TMEM161B: variants seen among roughly 807,000 people sequenced by gnomAD.
TMEM161B encodes the protein transmembrane protein 161B.
A neutral mutation model predicts 61.8 loss-of-function variants in TMEM161B; 34 were observed. The ratio of observed to expected loss-of-function variants is 0.55; its 90% CI spans 0.42 to 0.73. TMEM161B has a LOEUF of 0.73. Among genes scored for constraint, TMEM161B ranks in the 30% least tolerant of loss-of-function variants. TMEM161B has a pLI of 0.00. For missense variants in TMEM161B, 456 were observed against 558.5 expected (o/e 0.82, Z 1.85); for synonymous variants, 167 against 192.8 (o/e 0.87, Z 1.11).
intron 2 of TMEM161B, 90 bp downstream of exon 2, chr5:88,240,723 A>G: frequency 9.6e-7 from 1 of 1,039,314 alleles, no homozygotes; most frequent in Non-Finnish European, 1.5e-6. Flanking sequence ...TCCTTTTGTT[A>G]AAGTTTTAGA....
chr5:88,206,483 T>A lies in TMEM161B; in HGVS notation c.615A>T (p.Ser205=). Residue 205 remains serine (S), a synonymous_variant, in exon 7 of 12, where the codon TCA becomes TCT. Coordinates refer to ENST00000296595, the MANE Select transcript of TMEM161B (RefSeq NM_153354.5). ...FGLETGFTNF[S]DSAMQFLEKQ... ...TTTCAAGAAACTGCATCGCACTGTCTGAAAAATTTGTAAACCCTGTGGGGG... is the reference window on the plus strand; with the variant it reads ...TTTCAAGAAACTGCATCGCACTGTCAGAAAAATTTGTAAACCCTGTGGGGG... The A allele has an allele frequency of 6.3e-7, 1 of 1,592,002 alleles. No individual in the cohort carries two copies.
intron 1 of TMEM161B, among the ~76,000 whole-genome samples, chr5:88,258,894 A>G (rs1755331866): frequency 6.6e-6 from 1 of 152,192 alleles, no homozygotes; most frequent in Non-Finnish European, 1.5e-5. Flanking sequence ...TAGTATTTCA[A>G]AGGGCTTCTA....
chr5:88,244,230 T>C (rs1486892126), intron 1 of TMEM161B, among the ~76,000 whole-genome samples: 1 of 151,970 alleles, frequency 6.6e-6, no homozygotes, highest in Non-Finnish European at 1.5e-5. Flanking sequence ...CAGGATAGTA[T>C]TTCCCAGGTT....
At chr5:88,266,562 C>G (rs1294644282) in intron 1 of TMEM161B, among the ~76,000 whole-genome samples, 1 of 152,164 alleles carries the variant, frequency 6.6e-6, no homozygotes, top group Admixed American at 6.5e-5. Context: ...GAATTTGGAA[C>G]TCTTATCAAA....
chr5:88,264,210 G>C (rs958825291), intron 1 of TMEM161B, among the ~76,000 whole-genome samples: 16 of 150,560 alleles, frequency 1.1e-4, no homozygotes, highest in Non-Finnish European at 1.9e-4. Flanking sequence ...CTAATATCCA[G>C]AATCTACAAG....
intron 1 of TMEM161B, among the ~76,000 whole-genome samples, chr5:88,246,096 C>T (rs1293318633): frequency 6.6e-6 from 1 of 151,764 alleles, no homozygotes; most frequent in East Asian, 1.9e-4. Context: ...ATGTTCAATA[C>T]AAAAATGTAA....
At chr5:88,257,547 C>T (rs1186976259) in intron 1 of TMEM161B, among the ~76,000 whole-genome samples, 3 of 152,156 alleles carry the variant, frequency 2.0e-5, no homozygotes, top group African/African-American at 4.8e-5. Context: ...TAGAAAAGCT[C>T]TCCCTGGGAT....
chr5:88,219,436 A>G (rs750741744), intron 5 of TMEM161B, among the ~76,000 whole-genome samples: 5 of 152,196 alleles, frequency 3.3e-5, no homozygotes, highest in Non-Finnish European at 5.9e-5. Flanking sequence ...GGAGAGATGG[A>G]AATAGAGAAA....
chr5:88,238,212 T>C (rs1283845041), intron 2 of TMEM161B, among the ~76,000 whole-genome samples: 1 of 152,070 alleles, frequency 6.6e-6, no homozygotes, highest in African/African-American at 2.4e-5. Context: ...TGATCCATGA[T>C]TGGCTGAATC....
At chr5:88,186,148 G>C (rs1156598540), downstream of TMEM161B, among the ~76,000 whole-genome samples, 2 of 152,194 alleles carry the variant, frequency 1.3e-5, no homozygotes. Context: ...TATACAGGCA[G>C]TGCTTTTACT....
chr5:88,188,684 A>G (rs7712773), downstream of TMEM161B, among the ~76,000 whole-genome samples: 2,889 of 152,264 alleles, frequency 0.019, 75 homozygotes, highest in African/African-American at 0.065. Context: ...GAGGTTTTTT[A>G]TCCAGCTGGG....
chr5:88,251,712 A>T (rs1435723971), intron 1 of TMEM161B, among the ~76,000 whole-genome samples: 1 of 152,198 alleles, frequency 6.6e-6, no homozygotes, highest in Non-Finnish European at 1.5e-5. Context: ...GATCTTAAAC[A>T]ATGTTAAAAA....
intron 2 of TMEM161B, among the ~76,000 whole-genome samples, chr5:88,232,379 T>C (rs537262329): frequency 6.6e-6 from 1 of 152,126 alleles, no homozygotes; most frequent in Non-Finnish European, 1.5e-5. Context: ...ATAATGAAGA[T>C]GAGTGCATAA....
At chr5:88,227,260 C>T (rs767826130) in intron 3 of TMEM161B, among the ~76,000 whole-genome samples, 7 of 152,114 alleles carry the variant, frequency 4.6e-5, no homozygotes, top group Non-Finnish European at 1.0e-4. Flanking sequence ...TAAAAAGAAA[C>T]AGAAACTAAA....
intron 9 of TMEM161B, chr5:88,200,334 A>G (rs967945142): frequency 3.3e-5 from 5 of 152,106 alleles, no homozygotes; most frequent in African/African-American, 1.2e-4. Context: ...TTTCCACTAC[A>G]ATGAACAATG....
At chr5:88,258,419 G>A (rs950403454) in intron 1 of TMEM161B, among the ~76,000 whole-genome samples, 6 of 152,024 alleles carry the variant, frequency 3.9e-5, no homozygotes, top group African/African-American at 1.4e-4. Flanking sequence ...AAGGGAGGAA[G>A]GAGTAAGTAT....
downstream of TMEM161B, chr5:88,190,394 T>C (rs1385533262): frequency 5.7e-5 from 36 of 627,626 alleles, no homozygotes; most frequent in South Asian, 1.1e-4. Context: ...GCCAGTACAA[T>C]TGCAGCTCCT....
At chr5:88,211,469 G>C (rs1227673666) in intron 5 of TMEM161B, among the ~76,000 whole-genome samples, 3 of 151,594 alleles carry the variant, frequency 2.0e-5, no homozygotes, top group South Asian at 4.2e-4. Context: ...AAAATGAAAA[G>C]TAAGACAAGA....
intron 5 of TMEM161B, among the ~76,000 whole-genome samples, chr5:88,216,687 T>C (rs1297667285): frequency 1.3e-5 from 2 of 152,184 alleles, no homozygotes; most frequent in South Asian, 2.1e-4. Flanking sequence ...AATTATATCA[T>C]AGATTTTAAA....
Sources: gnomAD v4.1 joint callset for allele counts (sites outside exome capture counted in the v4.1 genomes callset) on GRCh38, gnomAD v4.1.1 for gene constraint, MANE v1.5 for transcripts, NCBI Gene and HGNC (gene_info 2026-07-23, HGNC 2026-07-21) for gene names.